PLCB1: variants seen among roughly 807,000 people sequenced by gnomAD.
The protein encoded by PLCB1 is phospholipase C beta 1.
PLCB1 carries 46 observed loss-of-function variants against 161.8 expected under a neutral mutation model. The observed-to-expected ratio is 0.28, with a 90% CI of 0.22 to 0.36. The LOEUF (loss-of-function observed/expected upper bound fraction) is 0.36, where lower values mean the gene tolerates loss of function less well. Ranked by LOEUF, PLCB1 falls within the 10% of genes least tolerant of loss-of-function variation. PLCB1 has a pLI of 1.00. For missense variants in PLCB1, 1,016 were observed against 1,472.5 expected (o/e 0.69, Z 5.07); for synonymous variants, 517 against 503.7 (o/e 1.03, Z -0.35).
chr20:8,781,395 CAA>C (rs1034967025), intron 27 of PLCB1, among the ~76,000 whole-genome samples: 5 of 149,102 alleles, frequency 3.4e-5, no homozygotes, highest in East Asian at 3.9e-4. Flanking sequence ...TTCACACACA[CAA>C]ACACACACAC....
At chr20:8,375,150 T>C (rs1170996079) in intron 3 of PLCB1, among the ~76,000 whole-genome samples, 1 of 152,198 alleles carries the variant, frequency 6.6e-6, no homozygotes, top group Non-Finnish European at 1.5e-5. Context: ...TTTATCCAAA[T>C]GTAATAACCA....
intron 23 of PLCB1, among the ~76,000 whole-genome samples, chr20:8,747,901 G>C (rs6118299): frequency 0.21 from 32,297 of 152,062 alleles, 3,741 homozygotes; most frequent in Middle Eastern, 0.3. Flanking sequence ...ATCCAAGGTA[G>C]TGCTTTTATA....
At chr20:8,635,329 T>C (rs1022956629) in intron 4 of PLCB1, among the ~76,000 whole-genome samples, 9 of 152,112 alleles carry the variant, frequency 5.9e-5, no homozygotes, top group African/African-American at 2.2e-4. Flanking sequence ...AAGGGGAGGC[T>C]TTTGAACTCT....
chr20:8,610,305 A>G (rs1987870463), intron 3 of PLCB1, among the ~76,000 whole-genome samples: 1 of 152,180 alleles, frequency 6.6e-6, no homozygotes, highest in South Asian at 2.1e-4. Context: ...GTTGTAGCAT[A>G]TAACAGTACT....
chr20:8,352,120 G>A (rs779908707), intron 2 of PLCB1, among the ~76,000 whole-genome samples: 2 of 152,062 alleles, frequency 1.3e-5, no homozygotes, highest in African/African-American at 2.4e-5. Flanking sequence ...CAGACAAACT[G>A]TGATATATAC....
At chr20:8,878,121 G>A (rs3848838) in intron 31 of PLCB1, among the ~76,000 whole-genome samples, 58,503 of 151,942 alleles carry the variant, frequency 0.39, 11,681 homozygotes, top group South Asian at 0.59. Context: ...GCACTATGGG[G>A]TCTTGTCCAC....
intron 3 of PLCB1, among the ~76,000 whole-genome samples, chr20:8,419,054 C>T (rs940506228): frequency 6.6e-6 from 1 of 152,110 alleles, no homozygotes. Context: ...ATCATGTAAG[C>T]GTTCCTGATC....
Position 8,173,793 on chromosome 20 carries a change from A to T in PLCB1, c.177+23422A>T, listed in dbSNP as rs560535874. ...ATAGAAAACTTCAGCAAAAAAATAG[A>T]AGTTTTTAAAAAGAACCACATGTAA... On this transcript the variant is annotated intron_variant, in intron 2 of 31. Coordinates refer to ENST00000338037, the MANE Select transcript of PLCB1 (RefSeq NM_015192.4). Among the ~76,000 whole-genome samples the T allele has an allele frequency of 2.0e-5, 3 of 152,316 alleles. No homozygotes were observed. The South Asian group carries it at 6.2e-4, about 32-fold the overall frequency.
intron 2 of PLCB1, among the ~76,000 whole-genome samples, chr20:8,206,166 G>T (rs529307055): frequency 1.3e-5 from 2 of 152,202 alleles, no homozygotes; most frequent in African/African-American, 4.8e-5. Flanking sequence ...ACACATTTGT[G>T]TGTGCTCTTT....
intron 2 of PLCB1, among the ~76,000 whole-genome samples, chr20:8,240,279 G>GACACACACAC (rs10683042): frequency 4.0e-5 from 6 of 149,562 alleles, no homozygotes; most frequent in Non-Finnish European, 5.9e-5. Context: ...TCATGATATT[G>GACACACACAC]ACACACACAC....
intron 2 of PLCB1, among the ~76,000 whole-genome samples, chr20:8,328,399 C>T (rs1449139864): frequency 6.6e-6 from 1 of 152,068 alleles, no homozygotes; most frequent in Non-Finnish European, 1.5e-5. Flanking sequence ...CTGGTATCTG[C>T]AGCCAGCTTC....
At chr20:8,346,144 G>T (rs960971922) in intron 2 of PLCB1, among the ~76,000 whole-genome samples, 1 of 152,182 alleles carries the variant, frequency 6.6e-6, no homozygotes, top group Non-Finnish European at 1.5e-5. Flanking sequence ...GGTGAAGATA[G>T]TAAAAGTATT....
chr20:8,165,260 G>A (rs2051663620), intron 2 of PLCB1, among the ~76,000 whole-genome samples: 1 of 152,166 alleles, frequency 6.6e-6, no homozygotes, highest in African/African-American at 2.4e-5. Context: ...TAGCCTTAAT[G>A]GTACCATGAT....
At chr20:8,194,039 C>G (rs1218181625) in intron 2 of PLCB1, among the ~76,000 whole-genome samples, 1 of 151,872 alleles carries the variant, frequency 6.6e-6, no homozygotes, top group African/African-American at 2.4e-5. Flanking sequence ...CCCATGAGTC[C>G]CGGGTGATAC....
chr20:8,225,605 T>A (rs549408766), intron 2 of PLCB1, among the ~76,000 whole-genome samples: 20 of 152,358 alleles, frequency 1.3e-4, no homozygotes, highest in African/African-American at 4.8e-4. Context: ...ACCTTTGGTA[T>A]TATAGAGTCT....
chr20:8,392,473 G>C (rs560148308), intron 3 of PLCB1, among the ~76,000 whole-genome samples: 44 of 152,190 alleles, frequency 2.9e-4, no homozygotes, highest in African/African-American at 1.0e-3. Context: ...TTTTTAATTT[G>C]GGTACTGCAG....
chr20:8,588,395 T>C (rs1004629086), intron 3 of PLCB1, among the ~76,000 whole-genome samples: 3 of 152,182 alleles, frequency 2.0e-5, no homozygotes, highest in African/African-American at 7.2e-5. Context: ...ATTTTATTAC[T>C]TATATAGCCA....
At chr20:8,707,172 C>A (rs770818888) in intron 11 of PLCB1, among the ~76,000 whole-genome samples, 3 of 152,108 alleles carry the variant, frequency 2.0e-5, no homozygotes, top group Non-Finnish European at 4.4e-5. Flanking sequence ...TCTTCTCGCT[C>A]CATGCAGGCA....
chr20:8,308,812 T>A (rs1302596834), intron 2 of PLCB1, among the ~76,000 whole-genome samples: 1 of 151,878 alleles, frequency 6.6e-6, no homozygotes, highest in African/African-American at 2.4e-5. Flanking sequence ...CTTAAATAAG[T>A]GTAATAATAA....
Sources: gnomAD v4.1 joint callset for allele counts (sites outside exome capture counted in the v4.1 genomes callset) on GRCh38, gnomAD v4.1.1 for gene constraint, MANE v1.5 for transcripts, NCBI Gene and HGNC (gene_info 2026-07-23, HGNC 2026-07-21) for gene names.